CWF19L2: variants seen among roughly 807,000 people sequenced by gnomAD.
CWF19L2 encodes CWF19-like protein 2.
CWF19L2 carries 98 observed loss-of-function variants against 111.7 expected under a neutral mutation model. The observed-to-expected ratio is 0.88, with a 90% CI of 0.75 to 1.04. CWF19L2 has a LOEUF of 1.04. CWF19L2 is among the 50% of genes least tolerant of loss of function. The pLI is 0.00. For synonymous variants in CWF19L2, 351 were observed against 342.9 expected (o/e 1.02, Z -0.26); for missense variants, 1,101 against 1,051.4 (o/e 1.05, Z -0.65).
intron 8 of CWF19L2, among the ~76,000 whole-genome samples, chr11:107,425,179 A>AACACACACACACACAC (rs138792527): frequency 6.9e-6 from 1 of 144,842 alleles, no homozygotes; most frequent in African/African-American, 2.5e-5. Context: ...CTCTCTTTGA[A>AACACACACACACACAC]ACACACACAC....
At chr11:107,344,223 T>A (rs868295348) in intron 14 of CWF19L2, among the ~76,000 whole-genome samples, 15 of 152,226 alleles carry the variant, frequency 9.9e-5, no homozygotes, top group Middle Eastern at 3.4e-3. Flanking sequence ...AAAAAAAGTT[T>A]CTGGGGCTGC....
chr11:107,441,116 A>C (rs1279221161), intron 5 of CWF19L2, among the ~76,000 whole-genome samples: 2 of 152,214 alleles, frequency 1.3e-5, no homozygotes, highest in African/African-American at 4.8e-5. Context: ...ACAACAATAA[A>C]GTATAAAATA....
rs1236142986 is a variant in CWF19L2 at position 107,367,667 on chromosome 11, G to A, written c.1873-13931C>T. On this transcript the variant is annotated intron_variant, in intron 12 of 17. Transcript: ENST00000282251. ...ACAGGAAGGGGAATATCACACTCTG[G>A]GGACTGTTGTGGGGTGGGGGGAGGG... 6.5e-5 allele frequency among the ~76,000 whole-genome samples: 6 copies of A among 92,764 alleles called. 1 individual carries two copies. The highest frequency in any genetic ancestry group is 1.4e-4 in the African/African-American group (3 of 20,782). 60.9% of individuals were successfully genotyped at this position (92,764 alleles called of 152,430 possible).
intron 9 of CWF19L2, among the ~76,000 whole-genome samples, chr11:107,417,693 A>G (rs1278803281): frequency 6.6e-6 from 1 of 152,154 alleles, no homozygotes; most frequent in East Asian, 1.9e-4. Context: ...AATTTCAGAG[A>G]TCTGACAGAG....
intron 10 of CWF19L2, among the ~76,000 whole-genome samples, chr11:107,399,183 A>C (rs1302836823): frequency 6.6e-6 from 1 of 152,244 alleles, no homozygotes; most frequent in Non-Finnish European, 1.5e-5. Context: ...CACAGGCAAC[A>C]AAGAGCATAA....
intron 12 of CWF19L2, among the ~76,000 whole-genome samples, chr11:107,361,132 T>G (rs1451483541): frequency 6.6e-6 from 1 of 152,174 alleles, no homozygotes; most frequent in Non-Finnish European, 1.5e-5. Flanking sequence ...TTTGTGTATG[T>G]TCAGAGATAT....
intron 12 of CWF19L2, among the ~76,000 whole-genome samples, chr11:107,384,286 T>C (rs1860733702): frequency 6.6e-6 from 1 of 152,240 alleles, no homozygotes; most frequent in Non-Finnish European, 1.5e-5. Context: ...TGAATTGTTT[T>C]GGATTTTAAA....
At chr11:107,399,169 A>G (rs976673550) in intron 10 of CWF19L2, among the ~76,000 whole-genome samples, 2 of 152,206 alleles carry the variant, frequency 1.3e-5, no homozygotes, top group Admixed American at 6.5e-5. Context: ...CAAAAACAAA[A>G]GTACACAGGC....
chr11:107,384,446 A>C (rs1860736133), intron 12 of CWF19L2, among the ~76,000 whole-genome samples: 1 of 152,230 alleles, frequency 6.6e-6, no homozygotes, highest in African/African-American at 2.4e-5. Context: ...TGTATTCTGA[A>C]CCATCAAAAA....
intron 12 of CWF19L2, among the ~76,000 whole-genome samples, chr11:107,354,457 A>G (rs564024581): frequency 3.9e-5 from 6 of 152,302 alleles, no homozygotes; most frequent in African/African-American, 1.2e-4. Context: ...TGGTTGTAAC[A>G]ATACTGCCTG....
At chr11:107,338,456 T>A (rs1402629462) in intron 14 of CWF19L2, among the ~76,000 whole-genome samples, 4 of 152,184 alleles carry the variant, frequency 2.6e-5, no homozygotes, top group Admixed American at 2.6e-4. Flanking sequence ...TGTGCATGTT[T>A]GTTACATAGG....
At chr11:107,386,937 C>T (rs2134590328) in intron 12 of CWF19L2, among the ~76,000 whole-genome samples, 1 of 151,998 alleles carries the variant, frequency 6.6e-6, no homozygotes, top group East Asian at 1.9e-4. Flanking sequence ...GCCTATAGTC[C>T]CAGCTACTCA....
At chr11:107,352,769 A>G (rs1157324861) in intron 13 of CWF19L2, among the ~76,000 whole-genome samples, 4 of 152,204 alleles carry the variant, frequency 2.6e-5, no homozygotes, top group African/African-American at 9.6e-5. Context: ...AACAACCTAA[A>G]GATATTAAAG....
At position 107,429,526 on chromosome 11, in the gene CWF19L2, T is replaced by C. The variant is rs889444133; in HGVS notation, c.781-75A>G. The C allele has an allele frequency of 7.8e-6, 9 of 1,160,156 alleles. No homozygotes were observed. In the East Asian group the frequency reaches 2.3e-4, roughly 30 times the overall value. 71.9% of individuals were successfully genotyped at this position (1,160,156 alleles called of 1,614,324 possible). On this transcript the variant is annotated intron_variant, in intron 7 of 17. Transcript: ENST00000282251. ...GTGACTTGCACCCCACATGTCACTG[T>C]ATGACTCACTGCCAAGTGGCACACT...
At chr11:107,360,378 A>G (rs184211347) in intron 12 of CWF19L2, among the ~76,000 whole-genome samples, 1 of 152,342 alleles carries the variant, frequency 6.6e-6, no homozygotes, top group African/African-American at 2.4e-5. Context: ...TGTTTATCCA[A>G]TCATCCACTG....
At chr11:107,424,454 A>AT (rs1227348079) in intron 8 of CWF19L2, among the ~76,000 whole-genome samples, 1 of 108,304 alleles carries the variant, frequency 9.2e-6, no homozygotes, top group African/African-American at 3.2e-5. Flanking sequence ...CCCTTTTATA[A>AT]TAAAAAAAAA....
At chr11:107,444,943 T>C (rs1284130340) in intron 3 of CWF19L2, among the ~76,000 whole-genome samples, 1 of 152,242 alleles carries the variant, frequency 6.6e-6, no homozygotes. Flanking sequence ...CGTAGGTACC[T>C]GACCCAATTC....
intron 7 of CWF19L2, among the ~76,000 whole-genome samples, 200 bp from the exon 8 acceptor site, chr11:107,429,651 A>T (rs1382106316): frequency 6.6e-6 from 1 of 152,166 alleles, no homozygotes; most frequent in Non-Finnish European, 1.5e-5. Flanking sequence ...TTATTAAATA[A>T]CAAAAAGATT....
chr11:107,361,542 A>G (rs577323979), intron 12 of CWF19L2, among the ~76,000 whole-genome samples: 114 of 152,298 alleles, frequency 7.5e-4, no homozygotes, highest in African/African-American at 2.6e-3. Context: ...AGAGATTATA[A>G]TCAACCTGTA....
Sources: gnomAD v4.1 joint callset for allele counts (sites outside exome capture counted in the v4.1 genomes callset) on GRCh38, gnomAD v4.1.1 for gene constraint, MANE v1.5 for transcripts, NCBI Gene and HGNC (gene_info 2026-07-23, HGNC 2026-07-21) for gene names.